NCS1: variants seen among roughly 807,000 people sequenced by gnomAD.
NCS1 encodes the protein neuronal calcium sensor 1.
In NCS1, 6 loss-of-function variants were observed where a neutral mutation model predicts 28.4. The ratio of observed to expected loss-of-function variants is 0.21; its 90% CI spans 0.12 to 0.42. The LOEUF (loss-of-function observed/expected upper bound fraction) is 0.42. NCS1 is among the 10% of genes least tolerant of loss of function. The pLI is 1.00. For synonymous variants in NCS1, 86 were observed against 99.3 expected (o/e 0.87, Z 0.79); for missense variants, 131 against 241.4 (o/e 0.54, Z 3.03).
intron 1 of NCS1, among the ~76,000 whole-genome samples, chr9:130,173,199 T>TGTGGG (rs1554904280): frequency 8.3e-6 from 1 of 119,790 alleles, no homozygotes; most frequent in African/African-American, 3.3e-5. Flanking sequence ...CCCGTTCGTG[T>TGTGGG]GGGGGGGGGG....
Position 130,186,572 on chromosome 9 carries a change from C to G in NCS1, c.64+13845C>G, listed in dbSNP as rs1832740737. Among the ~76,000 whole-genome samples the G allele has an allele frequency of 6.7e-6, 1 of 149,240 alleles. No homozygotes were observed. On this transcript the variant is annotated intron_variant, in intron 1 of 7. Coordinates refer to ENST00000372398, the MANE Select transcript of NCS1 (RefSeq NM_014286.4). This position sits in a 1 kb window ranked among gnomAD's most constrained non-coding sequence, Gnocchi z 4.1. Reference sequence around the variant, plus strand: ...AGGAACAGCATGTTCCAGGTCAGTCCTCACCTTCCAGGGCTCCCGAACCCC... The same window carrying G: ...AGGAACAGCATGTTCCAGGTCAGTCGTCACCTTCCAGGGCTCCCGAACCCC...
intron 1 of NCS1, among the ~76,000 whole-genome samples, chr9:130,183,899 T>TC (rs1832705661): frequency 6.6e-6 from 1 of 151,286 alleles, no homozygotes; most frequent in African/African-American, 2.4e-5. Flanking sequence ...AAGCTCTGCC[T>TC]CCCGGGTTCA....
chr9:130,190,859 CG>C, intron 1 of NCS1, among the ~76,000 whole-genome samples: 1 of 152,280 alleles, frequency 6.6e-6, no homozygotes, highest in East Asian at 1.9e-4. Context: ...CAGGGACCCC[CG>C]CCTGTCAGCA....
chr9:130,187,517 T>A (rs1209777915), intron 1 of NCS1, among the ~76,000 whole-genome samples: 2 of 152,092 alleles, frequency 1.3e-5, no homozygotes, highest in Admixed American at 6.5e-5. Context: ...CTGGAACACA[T>A]GTCCTAAAAC....
In NCS1 at chr9:130,192,935, C is replaced by T. The variant is rs894366127; in HGVS notation, c.65-8023C>T. ...TGGCACAGCTAGTAATGTCCTCTCT[C>T]ACAGATGGGGAAACCGAAACCCAAA... On this transcript the variant is annotated intron_variant, in intron 1 of 7. Transcript: ENST00000372398. This position sits in a 1 kb window ranked among gnomAD's most constrained non-coding sequence, Gnocchi z 4.8. Among the ~76,000 whole-genome samples the T allele has an allele frequency of 2.6e-5, 4 of 152,236 alleles. No individual in the cohort carries two copies. The highest frequency in any genetic ancestry group is 9.6e-5 in the African/African-American group (4 of 41,460).
intron 1 of NCS1, among the ~76,000 whole-genome samples, chr9:130,182,951 G>A (rs186665666): frequency 4.9e-4 from 74 of 152,358 alleles, no homozygotes; most frequent in African/African-American, 1.8e-3. Flanking sequence ...GGGGACCCCC[G>A]TGACTTTTAG....
At position 130,189,879 on chromosome 9, in the gene NCS1, A is replaced by AAT. The variant is rs1203988125; in HGVS notation, c.65-11050_65-11049dup. Among the ~76,000 whole-genome samples, 304 of 37,716 alleles carry AAT rather than the reference A, an allele frequency of 8.1e-3. 6 individuals are homozygous for AAT. The highest frequency in any genetic ancestry group is 0.032 in the Middle Eastern group (2 of 62). 24.7% of individuals were successfully genotyped at this position (37,716 alleles called of 152,430 possible). On this transcript the variant is annotated intron_variant, in intron 1 of 7. Transcript: ENST00000372398. ...ATCTCAAAAAAAAAAAAAAAAAAAA[A>AAT]ATATATATATATATATATATATATA...
intron 2 of NCS1, among the ~76,000 whole-genome samples, chr9:130,214,125 A>G (rs1308496751): frequency 1.3e-5 from 2 of 152,190 alleles, no homozygotes; most frequent in African/African-American, 2.4e-5. Flanking sequence ...GGGGGCCTAC[A>G]TTCCGGTGGG....
At chr9:130,198,687 C>T (rs1417500346) in intron 1 of NCS1, among the ~76,000 whole-genome samples, 1 of 152,228 alleles carries the variant, frequency 6.6e-6, no homozygotes, top group African/African-American at 2.4e-5. Context: ...GTTTTCCCAA[C>T]AATCCCATTT....
chr9:130,189,185 T>C (rs1832782365), intron 1 of NCS1, among the ~76,000 whole-genome samples: 1 of 152,158 alleles, frequency 6.6e-6, no homozygotes, highest in Non-Finnish European at 1.5e-5. Flanking sequence ...GCTCAGAAAT[T>C]AATTGCTGGA....
chr9:130,228,372 T>G (rs1833447875), intron 7 of NCS1, among the ~76,000 whole-genome samples: 1 of 151,516 alleles, frequency 6.6e-6, no homozygotes, highest in East Asian at 1.9e-4. Flanking sequence ...GTTTTTTTTG[T>G]TTGTTTGTTT....
rs576080462 is a variant in NCS1, at chr9:130,178,156, C to T, written c.64+5429C>T. Among the ~76,000 whole-genome samples the T allele has an allele frequency of 5.9e-5, 9 of 152,260 alleles. No individual in the cohort carries two copies. The East Asian group carries it at 7.7e-4, about 13-fold the overall frequency. The stretch of plus-strand genomic sequence containing the variant: ...TTGGGATTACAGGCATGAGCTGCTG[C>T]GCCTGGCCATGAGGGGAACCTTTCA... On this transcript the variant is annotated intron_variant, in intron 1 of 7. Coordinates refer to ENST00000372398, the MANE Select transcript of NCS1 (RefSeq NM_014286.4).
rs1833080749 is a variant in NCS1, at chr9:130,209,416, G to A, written c.90-8416G>A. On this transcript the variant is annotated intron_variant, in intron 2 of 7. Coordinates refer to ENST00000372398, the MANE Select transcript of NCS1 (RefSeq NM_014286.4). This position sits in a 1 kb window ranked among gnomAD's most constrained non-coding sequence, Gnocchi z 4.4. ...GTGCGGGGGCTTGCTCAGGCCCTCA[G>A]AGAACTAGAGGCCAAAGTGGAGTTG... Among the ~76,000 whole-genome samples, 1 of 152,234 alleles carries A rather than the reference G, an allele frequency of 6.6e-6. No homozygotes were observed. The highest frequency in any genetic ancestry group is 2.4e-5 in the African/African-American group (1 of 41,450).
In NCS1 at chr9:130,228,991, G is replaced by A. The variant is rs539830201; in HGVS notation, c.*17+2487G>A. ...GGCCAGGCCTACACTGTTTTGAAGC[G>A]TCTGTTATTATTATTATTATTTTTC... On this transcript the variant is annotated intron_variant, in intron 7 of 7. Coordinates refer to ENST00000372398, the MANE Select transcript of NCS1 (RefSeq NM_014286.4). Among the ~76,000 whole-genome samples, 32 of 151,802 alleles carry A rather than the reference G, an allele frequency of 2.1e-4. No homozygotes were observed. The South Asian group carries it at 4.0e-3, about 19-fold the overall frequency.
intron 7 of NCS1, among the ~76,000 whole-genome samples, chr9:130,228,006 A>G (rs1474601018): frequency 2.0e-5 from 3 of 152,126 alleles, no homozygotes; most frequent in Non-Finnish European, 4.4e-5. Flanking sequence ...AAGCTCACTC[A>G]TGTGGTTTGG....
intron 4 of NCS1, among the ~76,000 whole-genome samples, chr9:130,220,141 G>A (rs1228889271): frequency 9.8e-5 from 15 of 152,328 alleles, no homozygotes; most frequent in African/African-American, 3.6e-4. Context: ...AGGAGCCTTG[G>A]CTGCACTCGG....
intron 1 of NCS1, among the ~76,000 whole-genome samples, chr9:130,199,092 CTT>C (rs1400973780): frequency 1.2e-5 from 1 of 84,676 alleles, no homozygotes; most frequent in East Asian, 4.9e-4. Flanking sequence ...CTCTTTCTCT[CTT>C]TCTCTTTTTT....
Position 130,172,584 on chromosome 9 carries a change from C to T in NCS1, c.-80C>T. The T allele has an allele frequency of 1.3e-6, 1 of 743,342 alleles. No individual in the cohort carries two copies. The highest frequency in any genetic ancestry group is 5.9e-5 in the South Asian group (1 of 17,048). 46.0% of individuals were successfully genotyped at this position (743,342 alleles called of 1,614,324 possible). Reference sequence around the variant, plus strand: ...CGCAGACAAAGGCGCGGCCCCGGCCCGGCCCGCCCGGCCCAGCCGCTCCTG... The same window carrying T: ...CGCAGACAAAGGCGCGGCCCCGGCCTGGCCCGCCCGGCCCAGCCGCTCCTG... On this transcript the variant is annotated 5_prime_UTR_variant, in exon 1 of 8. Transcript: ENST00000372398.
chr9:130,172,848 C>A, intron 1 of NCS1, 121 bp downstream of exon 1: 1 of 457,056 alleles, frequency 2.2e-6, no homozygotes, highest in Non-Finnish European at 3.4e-6. Context: ...CCGTCCTCCC[C>A]GCCCGGCCTC....
Sources: allele counts gnomAD v4.1 joint callset (sites outside exome capture counted in the v4.1 genomes callset), GRCh38; gene constraint gnomAD v4.1.1; non-coding constraint Gnocchi (gnomAD v3.1); transcripts MANE v1.5; gene names NCBI Gene and HGNC (gene_info 2026-07-23, HGNC 2026-07-21).